The following TOP2B variants were observed in gnomAD, a reference collection of about 807,000 sequenced individuals.
TOP2B encodes the protein DNA topoisomerase II beta.
Under a neutral mutation model 193.5 loss-of-function variants are expected in TOP2B, and 51 were observed. The ratio of observed to expected loss-of-function variants is 0.26; its 90% CI spans 0.21 to 0.33. The LOEUF (loss-of-function observed/expected upper bound fraction) is 0.33, where lower values mean the gene tolerates loss of function less well. Among genes scored for constraint, TOP2B ranks in the 10% least tolerant of loss-of-function variants. TOP2B has a pLI of 1.00. For missense variants in TOP2B, 1,378 were observed against 1,909.3 expected (o/e 0.72, Z 5.19); for synonymous variants, 634 against 635.7 (o/e 1.00, Z 0.04).
Position 25,609,212 on chromosome 3 carries a change from G to A in TOP2B, c.4064C>T (p.Pro1355Leu). 1.2e-6 allele frequency: 2 copies of A among 1,608,882 alleles called. No individual in the cohort carries two copies. The highest frequency in any genetic ancestry group is 1.7e-6 in the Non-Finnish European group (2 of 1,177,334). Residue 1355 changes from proline to leucine, a missense_variant, in exon 30 of 36, where the codon CCA becomes CTA. Physicochemically the swap from Pro to Leu is moderately conservative, Grantham distance 98. This residue lies in a region of TOP2B where 556 missense variants were observed against 584.2 expected (regional missense o/e 0.95). Coordinates refer to ENST00000264331, the MANE Select transcript of TOP2B (RefSeq NM_001330700.2). ...TGCTCTCCTAAGCAAAGAATCTCTT[G>A]GAATAACCACAGGTTCTGTTTCTTC... ...DLEETEPVVI[P>L]RDSLLRRAAA...
chr3:25,638,316 A>T lies in TOP2B; in HGVS notation c.396-6T>A, dbSNP rs746149755. On this transcript the variant is annotated splice_region_variant and splice_polypyrimidine_tract_variant and intron_variant, in intron 4 of 35. Coordinates refer to ENST00000264331, the MANE Select transcript of TOP2B (RefSeq NM_001330700.2). ...TGCTTATAATGTTAGATTCACTGTA[A>T]AAAAAAAAAAAAAAAAAAAAAAAAA... The T allele has an allele frequency of 1.6e-4, 63 of 396,994 alleles. No homozygotes were observed. In the African/African-American group the frequency reaches 3.3e-3, roughly 21 times the overall value. 24.6% of individuals were successfully genotyped at this position (396,994 alleles called of 1,614,324 possible).
At chr3:25,663,328 G>A (rs183925942) in intron 1 of TOP2B, among the ~76,000 whole-genome samples, 3 of 152,250 alleles carry the variant, frequency 2.0e-5, no homozygotes, top group East Asian at 3.9e-4. Context: ...ACCGTCAAAA[G>A]TCCAGAAAAA....
At position 25,598,597 on chromosome 3, in the gene TOP2B, A is replaced by AATT. The variant is rs1201452833; in HGVS notation, c.4711-123_4711-121dup. On this transcript the variant is annotated intron_variant, in intron 35 of 35. Coordinates refer to ENST00000264331, the MANE Select transcript of TOP2B (RefSeq NM_001330700.2). The stretch of plus-strand genomic sequence containing the variant: ...GTATTACAAATAATGGTGCTTTTAA[A>AATT]ATTAGAATCATAATGCTAACCTAAG... 3 of 734,588 alleles carry AATT rather than the reference A, an allele frequency of 4.1e-6. No homozygotes were observed. In the African/African-American group the frequency reaches 5.4e-5, roughly 13 times the overall value. 45.5% of individuals were successfully genotyped at this position (734,588 alleles called of 1,614,324 possible).
At chr3:25,599,878 A>AT (rs992308362) in intron 34 of TOP2B, among the ~76,000 whole-genome samples, 8 of 152,122 alleles carry the variant, frequency 5.3e-5, no homozygotes, top group Admixed American at 1.3e-4. Context: ...GGATTTAAAT[A>AT]TTTTTTTTCA....
At chr3:25,629,947 G>T in intron 13 of TOP2B, 82 bp downstream of exon 13, 3 of 1,376,838 alleles carry the variant, frequency 2.2e-6, no homozygotes, top group South Asian at 1.6e-5. Context: ...TACCATCTTC[G>T]GGCAAGTCTC....
At position 25,630,299 on chromosome 3, in the gene TOP2B, C is replaced by G; in HGVS notation, c.1563+13G>C. 1 of 1,550,102 alleles carries G rather than the reference C, an allele frequency of 6.5e-7. No individual in the cohort carries two copies. The highest frequency in any genetic ancestry group is 1.2e-5 in the South Asian group (1 of 83,888). ...ATGTGTGTATACACATATATATACA[C>G]ACACATACATACCTGTTTATGAGAA... On this transcript the variant is annotated intron_variant, in intron 12 of 35. Coordinates refer to ENST00000264331, the MANE Select transcript of TOP2B (RefSeq NM_001330700.2).
Position 25,609,554 on chromosome 3 carries a change from T to C in TOP2B, c.3931+14A>G, listed in dbSNP as rs1702317785. On this transcript the variant is annotated intron_variant, in intron 29 of 35. Transcript: ENST00000264331. ...TTTCTCTCACACACATGCAAAACTA[T>C]AATCATTTCTCACCAGGCTCCTTCT... The C allele has an allele frequency of 3.7e-6, 6 of 1,603,278 alleles. No individual in the cohort carries two copies. The highest frequency in any genetic ancestry group is 2.7e-5 in the African/African-American group (2 of 74,726).
chr3:25,619,289 ATCC>A (rs1404602575), intron 23 of TOP2B, among the ~76,000 whole-genome samples: 2,016 of 152,154 alleles, frequency 0.013, 46 homozygotes, highest in African/African-American at 0.044. Context: ...TTGTGCTATA[ATCC>A]AGTCACCCAA....
At chr3:25,605,391 C>CCA (rs1388496735) in intron 32 of TOP2B, among the ~76,000 whole-genome samples, 2 of 152,000 alleles carry the variant, frequency 1.3e-5, no homozygotes, top group African/African-American at 4.8e-5. Flanking sequence ...TTCCCTAACA[C>CCA]CATAGCACAA....
At chr3:25,627,502 T>C (rs932013066) in intron 15 of TOP2B, among the ~76,000 whole-genome samples, 2 of 152,162 alleles carry the variant, frequency 1.3e-5, no homozygotes, top group Admixed American at 6.6e-5. Context: ...GAAATGTTTT[T>C]GCCAAACAAA....
intron 10 of TOP2B, 107 bp downstream of exon 10, chr3:25,632,339 C>A: frequency 1.1e-6 from 1 of 948,538 alleles, no homozygotes; most frequent in Non-Finnish European, 1.6e-6. Flanking sequence ...CATGCTTATA[C>A]CCACAGTTAA....
rs745795484 is a variant in TOP2B at position 25,633,983 on chromosome 3, T to A, written c.884A>T (p.Tyr295Phe). ...AGTTTCATCCAATTTGTCTTTCACA[T>A]AAAGATCTACATAACTGCGAAATCC... ...VNGFRSYVDL[Y>F]VKDKLDETGV... Residue 295 changes from tyrosine (Y) to phenylalanine (F), a missense_variant, in exon 8 of 36, where the codon TAT becomes TTT. Around this residue, in one of 9 missense-constraint regions of TOP2B, gnomAD observed 222 missense variants for 306.6 expected, o/e 0.72. Coordinates refer to ENST00000264331, the MANE Select transcript of TOP2B (RefSeq NM_001330700.2). 1.2e-6 allele frequency: 2 copies of A among 1,611,918 alleles called. No individual in the cohort carries two copies. The highest frequency in any genetic ancestry group is 2.2e-5 in the South Asian group (2 of 90,772).
chr3:25,610,010 G>C (rs1702328138), intron 28 of TOP2B, among the ~76,000 whole-genome samples: 1 of 151,424 alleles, frequency 6.6e-6, no homozygotes, highest in African/African-American at 2.5e-5. Flanking sequence ...CAGACCACTA[G>C]CTAAAAGGTA....
intron 32 of TOP2B, among the ~76,000 whole-genome samples, chr3:25,605,376 C>CACTCAAATTA (rs1284743560): frequency 6.6e-6 from 1 of 152,046 alleles, no homozygotes; most frequent in Non-Finnish European, 1.5e-5. Flanking sequence ...TAGTGTAATG[C>CACTCAAATTA]GTTCTTCCCT....
intron 6 of TOP2B, among the ~76,000 whole-genome samples, chr3:25,636,873 A>G (rs1703120304): frequency 6.6e-6 from 1 of 152,090 alleles, no homozygotes; most frequent in Non-Finnish European, 1.5e-5. Flanking sequence ...AAATTTTGAA[A>G]TATAAATTTG....
At chr3:25,624,073 G>A (rs528419532) in intron 20 of TOP2B, among the ~76,000 whole-genome samples, 34 of 152,130 alleles carry the variant, frequency 2.2e-4, no homozygotes, top group Admixed American at 6.5e-4. Context: ...TAAAGTTGGT[G>A]AGAAAAACAT....
chr3:25,654,196 T>C (rs1223787159), intron 1 of TOP2B, among the ~76,000 whole-genome samples: 1 of 152,154 alleles, frequency 6.6e-6, no homozygotes, highest in Non-Finnish European at 1.5e-5. Context: ...TTATAGTAGA[T>C]AACCCAAAAG....
chr3:25,599,240 GCA>G (rs1229100104), intron 35 of TOP2B, among the ~76,000 whole-genome samples, 193 bp downstream of exon 35: 1 of 152,030 alleles, frequency 6.6e-6, no homozygotes, highest in African/African-American at 2.4e-5. Flanking sequence ...TTAATTTATA[GCA>G]CAGTTATTTA....
chr3:25,629,195 G>T, intron 13 of TOP2B, 50 bp from the exon 14 acceptor site: 4 of 1,299,488 alleles, frequency 3.1e-6, no homozygotes, highest in Non-Finnish European at 3.1e-6. Flanking sequence ...TTTATAAAAT[G>T]ATTACTTATA....
Sources: gnomAD v4.1 joint callset for allele counts (sites outside exome capture counted in the v4.1 genomes callset) on GRCh38, gnomAD v4.1.1 for gene constraint, gnomAD v4.1.1 regional missense constraint, MANE v1.5 for transcripts, NCBI Gene and HGNC (gene_info 2026-07-23, HGNC 2026-07-21) for gene names.